The following RSRC1 variants were observed in gnomAD, a reference collection of about 807,000 sequenced individuals.
RSRC1 encodes serine/Arginine-related protein 53.
Under a neutral mutation model 49.1 loss-of-function variants are expected in RSRC1, and 39 were observed. The observed-to-expected ratio is 0.79, with a 90% CI of 0.61 to 1.04. The LOEUF (loss-of-function observed/expected upper bound fraction) is 1.04. Among genes scored for constraint, RSRC1 ranks in the 50% least tolerant of loss-of-function variants. The pLI, the probability that RSRC1 is intolerant of heterozygous loss-of-function variation, is 0.00. For missense variants in RSRC1, 388 were observed against 402.4 expected, an observed-to-expected ratio of 0.96 and a Z score of 0.31; for synonymous variants, 143 against 130.8, an observed-to-expected ratio of 1.09 and a Z score of -0.63.
At chr3:158,375,159 GTTATTATTATTATTATTATTA>G (rs60589390) in intron 6 of RSRC1, among the ~76,000 whole-genome samples, 5 of 145,204 alleles carry the variant, frequency 3.4e-5, no homozygotes, top group Admixed American at 6.9e-5. Flanking sequence ...GACTTAGCAA[GTTATTATTATTATTATTATTA>G]TTATTATTAT....
In RSRC1 at chr3:158,123,915, C is replaced by G. The variant is rs747083481; in HGVS notation, c.244C>G (p.Arg82Gly). ...SSSSYGSRRK[R>G]SRSRSRGRGK... The stretch of plus-strand genomic sequence containing the variant: ...CTCTTCTTATGGCTCCAGAAGGAAA[C>G]GAAGTCGAAGTCGTTCAAGGGGTCG... Residue 82 changes from arginine (R) to glycine (G), a missense_variant, in exon 3 of 10, where the codon CGA becomes GGA. Coordinates refer to ENST00000611884, the MANE Select transcript of RSRC1 (RefSeq NM_001271838.2). 3 of 1,612,346 alleles carry G rather than the reference C, an allele frequency of 1.9e-6. No individual in the cohort carries two copies. Among genetic ancestry groups the G allele is most frequent in the East Asian group, 2.2e-5 (1 of 44,838 alleles).
At chr3:158,160,604 C>T (rs1278700996) in intron 3 of RSRC1, among the ~76,000 whole-genome samples, 2 of 152,050 alleles carry the variant, frequency 1.3e-5, no homozygotes, top group Non-Finnish European at 2.9e-5. Context: ...AAGGGAAGGG[C>T]TCTTTTCTGA....
chr3:158,118,917 G>T (rs547732481), intron 1 of RSRC1, among the ~76,000 whole-genome samples: 29 of 152,268 alleles, frequency 1.9e-4, no homozygotes, highest in African/African-American at 7.0e-4. Context: ...AGATATTCAA[G>T]AATCCTCTTG....
intron 5 of RSRC1, among the ~76,000 whole-genome samples, chr3:158,320,196 G>A (rs534307926): frequency 2.6e-5 from 4 of 152,188 alleles, no homozygotes; most frequent in Non-Finnish European, 4.4e-5. Context: ...AGGAAATAAT[G>A]TGAATGAGAA....
At chr3:158,350,169 TATATATATAA>T (rs1321808934) in intron 5 of RSRC1, among the ~76,000 whole-genome samples, 1 of 129,844 alleles carries the variant, frequency 7.7e-6, no homozygotes. Context: ...GAAATATATA[TATATATATAA>T]TTTTTTTTTT....
chr3:158,316,221 C>T (rs1485180185), intron 5 of RSRC1, among the ~76,000 whole-genome samples: 1 of 151,648 alleles, frequency 6.6e-6, no homozygotes, highest in South Asian at 2.1e-4. Flanking sequence ...ACAAACAATT[C>T]TTAGACAGTT....
chr3:158,315,401 G>T (rs1373090361), intron 5 of RSRC1, among the ~76,000 whole-genome samples: 2 of 152,088 alleles, frequency 1.3e-5, no homozygotes, highest in Admixed American at 1.3e-4. Flanking sequence ...AAAAAATTAT[G>T]GTGGAATTTT....
At chr3:158,485,914 A>T (rs1272495563) in intron 7 of RSRC1, among the ~76,000 whole-genome samples, 1 of 152,200 alleles carries the variant, frequency 6.6e-6, no homozygotes, top group Non-Finnish European at 1.5e-5. Flanking sequence ...TCATATGCGT[A>T]TAAAAGATTC....
At chr3:158,311,041 A>G (rs1728092691) in intron 5 of RSRC1, among the ~76,000 whole-genome samples, 1 of 151,908 alleles carries the variant, frequency 6.6e-6, no homozygotes, top group Admixed American at 6.6e-5. Flanking sequence ...AGTGGCACTT[A>G]TTAAAATACA....
intron 6 of RSRC1, among the ~76,000 whole-genome samples, chr3:158,368,752 A>C (rs1210118128): frequency 6.6e-6 from 1 of 152,194 alleles, no homozygotes; most frequent in Non-Finnish European, 1.5e-5. Context: ...CTATTGTAAA[A>C]TTATGTAATG....
chr3:158,500,582 A>C (rs1739547020), intron 7 of RSRC1, among the ~76,000 whole-genome samples: 1 of 152,078 alleles, frequency 6.6e-6, no homozygotes, highest in Admixed American at 6.5e-5. Context: ...TTGCTGATTT[A>C]AGCTAGGAGG....
chr3:158,431,315 A>G (rs1735761269), intron 6 of RSRC1, among the ~76,000 whole-genome samples: 1 of 151,902 alleles, frequency 6.6e-6, no homozygotes, highest in African/African-American at 2.4e-5. Context: ...CCATCTTAAC[A>G]GCTAACATAA....
chr3:158,328,363 G>A (rs909005880), intron 5 of RSRC1, among the ~76,000 whole-genome samples: 1 of 152,138 alleles, frequency 6.6e-6, no homozygotes, highest in African/African-American at 2.4e-5. Flanking sequence ...TTTTGCAGTG[G>A]CTGGTACCGG....
chr3:158,500,524 C>G (rs1035775968), intron 7 of RSRC1, among the ~76,000 whole-genome samples: 2 of 151,862 alleles, frequency 1.3e-5, no homozygotes, highest in Non-Finnish European at 2.9e-5. Flanking sequence ...TTTTAATTAC[C>G]ATTTCAATCT....
intron 4 of RSRC1, among the ~76,000 whole-genome samples, chr3:158,229,332 ATG>A (rs1722794881): frequency 4.7e-5 from 7 of 149,492 alleles, no homozygotes; most frequent in African/African-American, 7.4e-5. Context: ...ACACAGGTAT[ATG>A]TGTATGTATG....
intron 3 of RSRC1, among the ~76,000 whole-genome samples, chr3:158,164,163 A>G (rs2108228958): frequency 6.6e-6 from 1 of 152,296 alleles, no homozygotes; most frequent in Non-Finnish European, 1.5e-5. Flanking sequence ...TATTTGTTTT[A>G]ATTCATAAAT....
intron 6 of RSRC1, among the ~76,000 whole-genome samples, chr3:158,401,955 A>T (rs918356432): frequency 6.6e-6 from 1 of 151,964 alleles, no homozygotes; most frequent in South Asian, 2.1e-4. Flanking sequence ...TCCCATTTGA[A>T]GACACTCAGT....
chr3:158,229,819 G>A (rs374747029), intron 4 of RSRC1, among the ~76,000 whole-genome samples: 5 of 151,958 alleles, frequency 3.3e-5, no homozygotes, highest in African/African-American at 1.2e-4. Flanking sequence ...AACCAGTGAA[G>A]AGTAAGTTGC....
At position 158,393,357 on chromosome 3, in the gene RSRC1, A is replaced by C. The variant is rs115405606; in HGVS notation, c.583+38449A>C. Among the ~76,000 whole-genome samples the C allele has an allele frequency of 9.5e-3, 1,441 of 152,012 alleles. 20 individuals are homozygous for C. Among genetic ancestry groups the C allele is most frequent in the African/African-American group, 0.033 (1,356 of 41,520 alleles). On this transcript the variant is annotated intron_variant, in intron 6 of 9. Transcript: ENST00000611884. ...TGAAATTGAAACACACACACACACA[A>C]AAAATCATACAAGAGATCTATGAAT...
Sources: allele counts gnomAD v4.1 joint callset (sites outside exome capture counted in the v4.1 genomes callset), GRCh38; gene constraint gnomAD v4.1.1; transcripts MANE v1.5; gene names NCBI Gene and HGNC (gene_info 2026-07-23, HGNC 2026-07-21).